The following SPHKAP variants were observed in gnomAD, a reference collection of about 807,000 sequenced individuals.
The protein encoded by SPHKAP is A-kinase anchor protein SPHKAP.
SPHKAP carries 67 observed loss-of-function variants against 137.5 expected under a neutral mutation model. The observed-to-expected ratio is 0.49, with a 90% CI of 0.40 to 0.60. The LOEUF (loss-of-function observed/expected upper bound fraction) is 0.60. Among genes scored for constraint, SPHKAP ranks in the 20% least tolerant of loss-of-function variants. SPHKAP has a pLI of 0.00. For missense variants in SPHKAP, 2,097 were observed against 2,069.3 expected (o/e 1.01, Z -0.26); for synonymous variants, 813 against 785.3 (o/e 1.04, Z -0.59).
chr2:228,118,104 A>G lies in SPHKAP; in HGVS notation c.139-9165T>C, dbSNP rs1022408013. The stretch of plus-strand genomic sequence containing the variant: ...TAAAATGTTATGCAGATGGAGTCCT[A>G]TAATACGTAGCCTTTTATGACCTGT... On this transcript the variant is annotated intron_variant, in intron 2 of 11. Transcript: ENST00000392056. 3.3e-5 allele frequency among the ~76,000 whole-genome samples: 5 copies of G among 152,014 alleles called. No homozygotes were observed. In the East Asian group the frequency reaches 5.8e-4, roughly 18 times the overall value.
At position 228,128,220 on chromosome 2, in the gene SPHKAP, A is replaced by G. The variant is rs142106224; in HGVS notation, c.138+3760T>C. 3.9e-3 allele frequency among the ~76,000 whole-genome samples: 590 copies of G among 152,260 alleles called. 6 individuals carry two copies. The highest frequency in any genetic ancestry group is 0.013 in the African/African-American group (550 of 41,552). ...CAAAATTGGAGTTAACCCTCTCAAAACTTGCTGCTGTGTTATCAATTAAGT... is the reference window on the plus strand; with the variant it reads ...CAAAATTGGAGTTAACCCTCTCAAAGCTTGCTGCTGTGTTATCAATTAAGT... On this transcript the variant is annotated intron_variant, in intron 2 of 11. Coordinates refer to ENST00000392056, the MANE Select transcript of SPHKAP (RefSeq NM_001142644.2).
rs138437497 is a variant in SPHKAP, at chr2:228,170,273, G to A, written c.32+11294C>T. ...TGGTGAAGATGCTGTGAACATTGTTGAAATGACCACAAAGAGTTTAGAAAA... is the reference window on the plus strand; with the variant it reads ...TGGTGAAGATGCTGTGAACATTGTTAAAATGACCACAAAGAGTTTAGAAAA... On this transcript the variant is annotated intron_variant, in intron 1 of 11. Transcript: ENST00000392056. Among the ~76,000 whole-genome samples the A allele has an allele frequency of 6.2e-4, 95 of 152,184 alleles. 1 individual carries two copies. The East Asian group carries it at 0.014, about 22-fold the overall frequency.
intron 3 of SPHKAP, among the ~76,000 whole-genome samples, chr2:228,049,701 A>G (rs1399973857): frequency 6.6e-6 from 1 of 152,120 alleles, no homozygotes; most frequent in Non-Finnish European, 1.5e-5. Context: ...TTTTATGTCC[A>G]TATGTACCCA....
chr2:228,167,584 T>G (rs1700455779), intron 1 of SPHKAP, among the ~76,000 whole-genome samples: 1 of 152,196 alleles, frequency 6.6e-6, no homozygotes, highest in African/African-American at 2.4e-5. Context: ...AGTTTTATTT[T>G]TGGTTTGAAT....
At chr2:228,174,845 C>A (rs1700692612) in intron 1 of SPHKAP, among the ~76,000 whole-genome samples, 1 of 151,886 alleles carries the variant, frequency 6.6e-6, no homozygotes, top group Non-Finnish European at 1.5e-5. Context: ...TTAGTTACAG[C>A]AGAGAGATAA....
chr2:228,149,840 AT>A (rs1312729101), intron 1 of SPHKAP, among the ~76,000 whole-genome samples: 2 of 152,134 alleles, frequency 1.3e-5, no homozygotes, highest in South Asian at 4.2e-4. Context: ...TCTGCAGATT[AT>A]TTTTTTATTT....
Position 228,019,892 on chromosome 2 carries a change from T to C in SPHKAP, c.962A>G (p.His321Arg), listed in dbSNP as rs763203962. 13 of 1,614,256 alleles carry C rather than the reference T, an allele frequency of 8.1e-6. No homozygotes were observed. The highest frequency in any genetic ancestry group is 1.1e-5 in the South Asian group (1 of 91,090). The change falls in exon 7 of 12, where the codon CAT becomes CGT. Residue 321 changes from histidine (H) to arginine (R), a missense_variant. Coordinates refer to ENST00000392056, the MANE Select transcript of SPHKAP (RefSeq NM_001142644.2). ...TTTAAAAGCTTCTGAATGATAATAA[T>C]GTGTGGCTTGTCTCCCATTCCCCAC... ...EAVGNGRQATHYYHSEAFKGQ... is the reference protein window; with the variant it reads ...EAVGNGRQATRYYHSEAFKGQ...
Position 228,016,588 on chromosome 2 carries a change from G to A in SPHKAP, c.4266C>T (p.Cys1422=). ...TCTGAATCAAAGGCACTTCCCTCGA[G>A]CAAAGTGATCGCCTTTTGTGGTTTA... ...VPINHKRRSL[C]SREVPLIQIE... The change falls in exon 7 of 12, where the codon TGC becomes TGT. Residue 1422 remains cysteine (C), a synonymous_variant. Transcript: ENST00000392056. 1 of 1,614,078 alleles carries A rather than the reference G, an allele frequency of 6.2e-7. No homozygotes were observed. The highest frequency in any genetic ancestry group is 1.1e-5 in the South Asian group (1 of 91,074).
chr2:227,999,862 CAG>C (rs1460007407), intron 7 of SPHKAP, among the ~76,000 whole-genome samples: 2 of 152,210 alleles, frequency 1.3e-5, no homozygotes, highest in Non-Finnish European at 2.9e-5. Context: ...ATGTCATCCA[CAG>C]AGATTCAGAA....
chr2:228,048,125 AC>A (rs1696130350), intron 3 of SPHKAP, among the ~76,000 whole-genome samples: 2 of 152,292 alleles, frequency 1.3e-5, no homozygotes, highest in South Asian at 4.1e-4. Flanking sequence ...TGAAGGGGAC[AC>A]CATGCTCCTT....
intron 1 of SPHKAP, among the ~76,000 whole-genome samples, chr2:228,166,974 A>C (rs988934776): frequency 1.3e-5 from 2 of 152,104 alleles, no homozygotes; most frequent in African/African-American, 4.8e-5. Context: ...GGAGGGTGCC[A>C]TACACTTTCA....
intron 1 of SPHKAP, among the ~76,000 whole-genome samples, chr2:228,169,438 A>T (rs925580641): frequency 6.6e-6 from 1 of 152,092 alleles, no homozygotes; most frequent in East Asian, 1.9e-4. Context: ...TAGGGCCCTT[A>T]AGATTTATGA....
intron 3 of SPHKAP, among the ~76,000 whole-genome samples, chr2:228,043,211 A>G (rs6436750): frequency 0.62 from 94,651 of 152,060 alleles, 30,082 homozygotes; most frequent in African/African-American, 0.75. Context: ...GCTTGTATGT[A>G]CAGATCAAAC....
chr2:228,112,219 G>T (rs1331368773), intron 2 of SPHKAP, among the ~76,000 whole-genome samples: 3 of 152,210 alleles, frequency 2.0e-5, no homozygotes, highest in East Asian at 3.9e-4. Flanking sequence ...GAACATTAAA[G>T]ATTTAAAATA....
chr2:227,996,424 T>C (rs1177386681), intron 7 of SPHKAP, among the ~76,000 whole-genome samples: 1 of 152,208 alleles, frequency 6.6e-6, no homozygotes, highest in African/African-American at 2.4e-5. Flanking sequence ...TTTCTGTCTC[T>C]CTGGTCCCTT....
Position 228,122,283 on chromosome 2 carries a change from C to A in SPHKAP, c.138+9697G>T, listed in dbSNP as rs542213581. Among the ~76,000 whole-genome samples, 59 of 152,162 alleles carry A rather than the reference C, an allele frequency of 3.9e-4. 1 individual carries two copies. In the Middle Eastern group the frequency reaches 0.024, roughly 61 times the overall value. Reference sequence around the variant, plus strand: ...CTATTTGAAGTTTTCAGAGTCCCCCCTTTTGATTTTTTTTTAAAAAGAAAA... The same window carrying A: ...CTATTTGAAGTTTTCAGAGTCCCCCATTTTGATTTTTTTTTAAAAAGAAAA... On this transcript the variant is annotated intron_variant, in intron 2 of 11. Transcript: ENST00000392056.
intron 2 of SPHKAP, among the ~76,000 whole-genome samples, chr2:228,118,766 A>G (rs1022647565): frequency 6.6e-6 from 1 of 152,146 alleles, no homozygotes; most frequent in Non-Finnish European, 1.5e-5. Context: ...AATGCCATCC[A>G]TATTAAGTTT....
At chr2:228,108,351 G>A (rs1029091506) in intron 3 of SPHKAP, among the ~76,000 whole-genome samples, 2 of 152,040 alleles carry the variant, frequency 1.3e-5, no homozygotes, top group African/African-American at 4.8e-5. Context: ...AAGGCTCAGC[G>A]TCAATATATT....
intron 3 of SPHKAP, among the ~76,000 whole-genome samples, chr2:228,066,656 AG>A (rs1696836777): frequency 1.3e-5 from 2 of 152,148 alleles, no homozygotes; most frequent in Non-Finnish European, 2.9e-5. Context: ...ATGAGCACAA[AG>A]CGTCTTGGTC....
Sources: gnomAD v4.1 joint callset for allele counts (sites outside exome capture counted in the v4.1 genomes callset) on GRCh38, gnomAD v4.1.1 for gene constraint, MANE v1.5 for transcripts, NCBI Gene and HGNC (gene_info 2026-07-23, HGNC 2026-07-21) for gene names.